CCDC178: variants seen among roughly 807,000 people sequenced by gnomAD.
The protein encoded by CCDC178 is coiled-coil domain-containing protein 178.
In CCDC178, 126 loss-of-function variants were observed where a neutral mutation model predicts 117.4. That is an observed-to-expected ratio of 1.07 (90% confidence interval 0.93 to 1.24). The LOEUF (loss-of-function observed/expected upper bound fraction) is 1.24, where lower values mean the gene tolerates loss of function less well. CCDC178 is among the 50% of genes most tolerant of loss of function. CCDC178 has a pLI of 0.00. For missense variants in CCDC178, 1,030 were observed against 986.9 expected (o/e 1.04, Z -0.59); for synonymous variants, 283 against 313.4 (o/e 0.90, Z 1.02).
At chr18:33,318,734 T>G (rs1198070077) in intron 11 of CCDC178, among the ~76,000 whole-genome samples, 2 of 151,934 alleles carry the variant, frequency 1.3e-5, no homozygotes, top group Non-Finnish European at 1.5e-5. Flanking sequence ...AAAATAAAAT[T>G]AATTAAAATT....
chr18:33,138,341 A>G (rs976554177), intron 20 of CCDC178, among the ~76,000 whole-genome samples: 4 of 152,180 alleles, frequency 2.6e-5, no homozygotes, highest in Admixed American at 6.5e-5. Flanking sequence ...TCTCCACCTC[A>G]TGAGGTACAG....
chr18:33,003,517 G>A (rs904252203), intron 21 of CCDC178, among the ~76,000 whole-genome samples: 3 of 151,934 alleles, frequency 2.0e-5, no homozygotes, highest in Admixed American at 6.6e-5. Context: ...AAAAAACTGG[G>A]CATAGTAGGA....
chr18:33,289,960 T>C (rs1189544729), intron 12 of CCDC178, among the ~76,000 whole-genome samples: 1 of 152,064 alleles, frequency 6.6e-6, no homozygotes, highest in African/African-American at 2.4e-5. Context: ...ACCTTGCAAA[T>C]AAAAGCATAA....
At chr18:33,171,257 T>C (rs1024386585) in intron 20 of CCDC178, among the ~76,000 whole-genome samples, 2 of 152,316 alleles carry the variant, frequency 1.3e-5, no homozygotes, top group South Asian at 2.1e-4. Flanking sequence ...AAGGGAAACC[T>C]GGTCAATTCA....
chr18:32,981,041 G>A (rs2055144481), intron 21 of CCDC178, among the ~76,000 whole-genome samples: 1 of 152,050 alleles, frequency 6.6e-6, no homozygotes, highest in East Asian at 1.9e-4. Context: ...CTAAACCACA[G>A]CATTTAAAAT....
chr18:33,036,094 C>A (rs901279459), intron 21 of CCDC178, among the ~76,000 whole-genome samples: 2 of 151,626 alleles, frequency 1.3e-5, no homozygotes, highest in Non-Finnish European at 2.9e-5. Context: ...GAAACAAACA[C>A]AAGAATGGCA....
intron 2 of CCDC178, among the ~76,000 whole-genome samples, chr18:33,434,963 G>A (rs1407619153): frequency 2.6e-5 from 4 of 151,786 alleles, no homozygotes; most frequent in East Asian, 3.9e-4. Flanking sequence ...TGACATTTTC[G>A]GGCTACATCT....
chr18:33,126,997 A>AAAAT (rs71266914), intron 20 of CCDC178, among the ~76,000 whole-genome samples: 15 of 141,184 alleles, frequency 1.1e-4, no homozygotes, highest in African/African-American at 4.1e-4. Context: ...AAAAAAAAAA[A>AAAAT]ATATATATAT....
At chr18:33,005,723 A>T (rs1456809378) in intron 21 of CCDC178, among the ~76,000 whole-genome samples, 1 of 152,026 alleles carries the variant, frequency 6.6e-6, no homozygotes, top group African/African-American at 2.4e-5. Flanking sequence ...TGTAATCCAT[A>T]CATATATATA....
intron 11 of CCDC178, among the ~76,000 whole-genome samples, chr18:33,314,023 A>AC (rs2062380284): frequency 6.7e-6 from 1 of 150,014 alleles, no homozygotes; most frequent in Admixed American, 6.6e-5. Context: ...AAACGGTGAA[A>AC]TCCCGTCTCT....
At chr18:33,000,453 C>G (rs953783329) in intron 21 of CCDC178, among the ~76,000 whole-genome samples, 12 of 152,006 alleles carry the variant, frequency 7.9e-5, no homozygotes, top group African/African-American at 2.4e-4. Context: ...ACATCCCAAA[C>G]CTAGAGAAAG....
intron 20 of CCDC178, among the ~76,000 whole-genome samples, chr18:33,113,145 G>C (rs1195245007): frequency 6.6e-6 from 1 of 151,880 alleles, no homozygotes; most frequent in Non-Finnish European, 1.5e-5. Flanking sequence ...AAGATTAAAA[G>C]TCTGCTGAGA....
intron 21 of CCDC178, among the ~76,000 whole-genome samples, chr18:33,046,707 C>T (rs2056649383): frequency 6.6e-6 from 1 of 152,150 alleles, no homozygotes; most frequent in South Asian, 2.1e-4. Flanking sequence ...AAGGAGCAGG[C>T]ACCATCTTTG....
intron 2 of CCDC178, among the ~76,000 whole-genome samples, chr18:33,423,676 G>T (rs190313033): frequency 6.6e-6 from 1 of 151,996 alleles, no homozygotes; most frequent in Non-Finnish European, 1.5e-5. Context: ...AAAATACTTT[G>T]TTAATTCTTT....
At chr18:33,123,918 T>C (rs2057970010) in intron 20 of CCDC178, among the ~76,000 whole-genome samples, 1 of 152,174 alleles carries the variant, frequency 6.6e-6, no homozygotes, top group Non-Finnish European at 1.5e-5. Flanking sequence ...TTCAAACTAT[T>C]GGGCATGTAA....
chr18:33,329,429 A>G (rs2062633250), intron 10 of CCDC178, among the ~76,000 whole-genome samples: 1 of 152,156 alleles, frequency 6.6e-6, no homozygotes, highest in Non-Finnish European at 1.5e-5. Flanking sequence ...TGTGGGTTTT[A>G]CAAAAATGTC....
chr18:33,237,791 A>C (rs973336829), intron 15 of CCDC178, among the ~76,000 whole-genome samples: 16 of 151,954 alleles, frequency 1.1e-4, no homozygotes, highest in Admixed American at 3.9e-4. Context: ...AAAAAAAAAA[A>C]CATAAATAAA....
At chr18:33,378,967 G>A (rs1452288479) in intron 5 of CCDC178, among the ~76,000 whole-genome samples, 1 of 151,480 alleles carries the variant, frequency 6.6e-6, no homozygotes, top group Non-Finnish European at 1.5e-5. Flanking sequence ...AGTTTGGGAG[G>A]AGTCTTTCCA....
chr18:33,102,082 G>T (rs942842618), intron 20 of CCDC178, among the ~76,000 whole-genome samples: 2 of 151,646 alleles, frequency 1.3e-5, no homozygotes, highest in Non-Finnish European at 2.9e-5. Flanking sequence ...CTTTCTTCAC[G>T]TGACTGTCAT....
Sources: allele counts gnomAD v4.1 joint callset (sites outside exome capture counted in the v4.1 genomes callset), GRCh38; gene constraint gnomAD v4.1.1; transcripts MANE v1.5; gene names NCBI Gene and HGNC (gene_info 2026-07-23, HGNC 2026-07-21).